The following MYT1L variants were observed in gnomAD, a reference collection of about 807,000 sequenced individuals.
MYT1L encodes myelin transcription factor 1-like protein.
MYT1L carries 12 observed loss-of-function variants against 126.7 expected under a neutral mutation model. The ratio of observed to expected loss-of-function variants is 0.09; its 90% CI spans 0.06 to 0.15. The LOEUF is 0.15. Among genes scored for constraint, MYT1L ranks in the 10% least tolerant of loss-of-function variants. The probability of loss-of-function intolerance (pLI) is 1.00; values close to 1 mark genes in which losing one functional copy is unlikely to be tolerated. For synonymous variants in MYT1L, 541 were observed against 604.2 expected (o/e 0.90, Z 1.53); for missense variants, 979 against 1,585.2 (o/e 0.62, Z 6.49).
Position 1,793,419 on chromosome 2 carries a change from G to A in MYT1L, c.3277-955C>T, listed in dbSNP as rs529810742. Reference sequence around the variant, plus strand: ...GGGCTTCTTCCTGGAAGACCGGGCCGACCCGCAGAGTCCAGGGCTGGCTTG... The same window carrying A: ...GGGCTTCTTCCTGGAAGACCGGGCCAACCCGCAGAGTCCAGGGCTGGCTTG... On this transcript the variant is annotated intron_variant, in intron 23 of 24. Coordinates refer to ENST00000647738, the MANE Select transcript of MYT1L (RefSeq NM_001303052.2). This position sits in a 1 kb window ranked among gnomAD's most constrained non-coding sequence, Gnocchi z 4.6. Among the ~76,000 whole-genome samples, 309 of 152,296 alleles carry A rather than the reference G, an allele frequency of 2.0e-3. 1 individual carries two copies. Among genetic ancestry groups the A allele is most frequent in the African/African-American group, 7.0e-3 (291 of 41,584 alleles).
At chr2:2,232,630 T>G (rs746759443) in intron 2 of MYT1L, among the ~76,000 whole-genome samples, 30 of 152,226 alleles carry the variant, frequency 2.0e-4, no homozygotes, top group Non-Finnish European at 4.0e-4. Flanking sequence ...GAAGGAAAAC[T>G]CATTCATTTC....
At chr2:2,180,483 G>T (rs998572937) in intron 2 of MYT1L, among the ~76,000 whole-genome samples, 4 of 152,168 alleles carry the variant, frequency 2.6e-5, no homozygotes, top group Non-Finnish European at 5.9e-5. Context: ...CGATGTGGGT[G>T]TGTGGAAACT....
chr2:1,901,228 T>C (rs1437911809), intron 14 of MYT1L, among the ~76,000 whole-genome samples: 3 of 151,878 alleles, frequency 2.0e-5, no homozygotes, highest in African/African-American at 4.8e-5. Flanking sequence ...ACCTTAACAA[T>C]GAAGCTGAAG....
chr2:2,268,854 T>C (rs1193531126), intron 2 of MYT1L, among the ~76,000 whole-genome samples: 2 of 152,104 alleles, frequency 1.3e-5, no homozygotes, highest in East Asian at 3.8e-4. Flanking sequence ...CTAAGTAAAA[T>C]ATTATTATGA....
In MYT1L at chr2:1,889,663, C is replaced by T. The variant is rs1383454440; in HGVS notation, c.2284-186G>A. 6.6e-6 allele frequency among the ~76,000 whole-genome samples: 1 copy of T among 152,132 alleles called. No homozygotes were observed. The highest frequency in any genetic ancestry group is 6.6e-5 in the Admixed American group (1 of 15,264). ...TGTCTGGTGGTACATTCCTGCTATC[C>T]CACGCTTAGCTGCAAAATTGGTTGG... On this transcript the variant is annotated intron_variant, in intron 15 of 24. Coordinates refer to ENST00000647738, the MANE Select transcript of MYT1L (RefSeq NM_001303052.2). The surrounding 1 kb of genome is among the most constrained non-coding windows in gnomAD (Gnocchi z 4.1).
chr2:2,227,143 C>A (rs1193829473), intron 2 of MYT1L, among the ~76,000 whole-genome samples: 1 of 152,276 alleles, frequency 6.6e-6, no homozygotes, highest in Non-Finnish European at 1.5e-5. Flanking sequence ...TGCTTTTCCC[C>A]TTTTCCCTTT....
chr2:2,179,810 T>C (rs905573447), intron 2 of MYT1L, among the ~76,000 whole-genome samples: 3 of 152,330 alleles, frequency 2.0e-5, no homozygotes, highest in Non-Finnish European at 2.9e-5. Flanking sequence ...GTCCTCTCCA[T>C]GTTCCTCAAA....
At chr2:2,168,718 A>G (rs2089549336) in intron 3 of MYT1L, among the ~76,000 whole-genome samples, 2 of 152,024 alleles carry the variant, frequency 1.3e-5, no homozygotes, top group Admixed American at 1.3e-4. Context: ...GTCAGCCCTG[A>G]GCGTGTTTTA....
intron 3 of MYT1L, among the ~76,000 whole-genome samples, chr2:2,091,693 T>C (rs2076930421): frequency 6.6e-6 from 1 of 152,242 alleles, no homozygotes; most frequent in Admixed American, 6.5e-5. Context: ...CTGTTTCATC[T>C]ACACTGAAAA....
chr2:1,899,266 GC>G (rs1464540395), intron 14 of MYT1L, among the ~76,000 whole-genome samples: 3 of 152,262 alleles, frequency 2.0e-5, no homozygotes, highest in Non-Finnish European at 4.4e-5. Context: ...ACCGCAGCCT[GC>G]CCGCCAAGCC....
Position 1,801,604 on chromosome 2 carries a change from C to A in MYT1L, c.3276+92G>T. 1 of 772,524 alleles carries A rather than the reference C, an allele frequency of 1.3e-6. No homozygotes were observed. Among genetic ancestry groups the A allele is most frequent in the South Asian group, 1.7e-5 (1 of 59,970 alleles). The allele number at this position is 772,524 out of a possible 1,614,324, so 47.9% of individuals were successfully genotyped here. A position where few individuals can be genotyped will look rare whatever the true frequency, so the allele number is the denominator to read the frequency against. ...AAATAAAAGAGCAAATAAGAGGAAA[C>A]GACAGCTCTCCTAAAAGCTGATTTC... On this transcript the variant is annotated intron_variant, in intron 23 of 24. Coordinates refer to ENST00000647738, the MANE Select transcript of MYT1L (RefSeq NM_001303052.2). The surrounding 1 kb of genome is among the most constrained non-coding windows in gnomAD (Gnocchi z 4.2).
chr2:1,937,902 C>T (rs1053988561), intron 9 of MYT1L, among the ~76,000 whole-genome samples: 5 of 152,214 alleles, frequency 3.3e-5, no homozygotes, highest in South Asian at 2.1e-4. Context: ...CTGGAGAACG[C>T]GATACAGGAA....
chr2:2,168,665 G>A (rs546350357), intron 3 of MYT1L, among the ~76,000 whole-genome samples: 31 of 152,252 alleles, frequency 2.0e-4, no homozygotes, highest in Admixed American at 3.9e-4. Flanking sequence ...TGCTTCAGAT[G>A]ACCCTGAAGT....
chr2:2,169,937 C>T (rs2089769303), intron 3 of MYT1L, among the ~76,000 whole-genome samples: 1 of 152,194 alleles, frequency 6.6e-6, no homozygotes, highest in African/African-American at 2.4e-5. Flanking sequence ...TCTAGTCAGA[C>T]AGGGTGATAC....
chr2:2,205,853 A>C (rs1448135541), intron 2 of MYT1L, among the ~76,000 whole-genome samples: 1 of 152,122 alleles, frequency 6.6e-6, no homozygotes, highest in African/African-American at 2.4e-5. Flanking sequence ...GGCCCTTTCA[A>C]TGTGGTTCTC....
intron 4 of MYT1L, among the ~76,000 whole-genome samples, chr2:2,038,079 T>A (rs2067087376): frequency 6.6e-6 from 1 of 152,146 alleles, no homozygotes; most frequent in African/African-American, 2.4e-5. Flanking sequence ...ATGGGTTCAT[T>A]TGGACAGAAA....
chr2:1,956,049 GTATCTATC>G (rs61277755), intron 8 of MYT1L, among the ~76,000 whole-genome samples: 3 of 151,730 alleles, frequency 2.0e-5, no homozygotes, highest in Admixed American at 1.3e-4. Flanking sequence ...ATGTATCTAT[GTATCTATC>G]TATCTATCTA....
intron 3 of MYT1L, among the ~76,000 whole-genome samples, chr2:2,129,629 G>A (rs1386182270): frequency 5.3e-5 from 8 of 152,154 alleles, no homozygotes; most frequent in East Asian, 1.9e-4. Flanking sequence ...TATTTAGGCC[G>A]GGCGCGGTGG....
intron 8 of MYT1L, among the ~76,000 whole-genome samples, chr2:1,964,424 G>C (rs187923828): frequency 6.6e-6 from 1 of 152,212 alleles, no homozygotes; most frequent in Non-Finnish European, 1.5e-5. Context: ...TGATGGACTT[G>C]TATGGTCAGG....
Sources: gnomAD v4.1 joint callset for allele counts (sites outside exome capture counted in the v4.1 genomes callset) on GRCh38, gnomAD v4.1.1 for gene constraint, Gnocchi (gnomAD v3.1) non-coding constraint, MANE v1.5 for transcripts, NCBI Gene and HGNC (gene_info 2026-07-23, HGNC 2026-07-21) for gene names.